RBM47: variants seen among roughly 807,000 people sequenced by gnomAD.
RBM47 encodes RNA-binding protein 47.
In RBM47, 21 loss-of-function variants were observed where a neutral mutation model predicts 47.1. The observed-to-expected ratio is 0.45, with a 90% confidence interval of 0.32 to 0.64. The LOEUF is 0.64. RBM47 is among the 30% of genes least tolerant of loss of function. The probability of loss-of-function intolerance (pLI) is 0.05; values close to 1 mark genes in which losing one functional copy is unlikely to be tolerated. For synonymous variants in RBM47, 375 were observed against 361.7 expected (o/e 1.04, Z -0.42); for missense variants, 708 against 870.9 (o/e 0.81, Z 2.35).
At chr4:40,545,885 G>A (rs1298604690) in intron 1 of RBM47, among the ~76,000 whole-genome samples, 1 of 151,960 alleles carries the variant, frequency 6.6e-6, no homozygotes, top group Non-Finnish European at 1.5e-5. Context: ...GGGCCTAATA[G>A]TACCCATTTG....
intron 2 of RBM47, among the ~76,000 whole-genome samples, chr4:40,468,794 T>C (rs1003250670): frequency 6.6e-6 from 1 of 152,140 alleles, no homozygotes; most frequent in Admixed American, 6.5e-5. Context: ...ATGATTTACG[T>C]TTTAATACAC....
chr4:40,424,364 C>T lies in RBM47; in HGVS notation c.*1540G>A, dbSNP rs930687894. 16 of 152,564 alleles carry T rather than the reference C, an allele frequency of 1.0e-4. No homozygotes were observed. The highest frequency in any genetic ancestry group is 2.2e-4 in the Non-Finnish European group (15 of 68,024). 9.5% of individuals were successfully genotyped at this position (152,564 alleles called of 1,614,324 possible). A position where few individuals can be genotyped will look rare whatever the true frequency, so the allele number is the denominator to read the frequency against. On this transcript the variant is annotated 3_prime_UTR_variant, in exon 7 of 7. Coordinates refer to ENST00000295971, the MANE Select transcript of RBM47 (RefSeq NM_001098634.2). ...TTTTTTTTAAAAAGTAGATGACAAT[C>T]TTAACATTTTACTGTATTTTACATT...
intron 2 of RBM47, 71 bp from the exon 3 acceptor site, chr4:40,466,770 T>C (rs1429856297): frequency 4.2e-5 from 2 of 47,362 alleles, no homozygotes; most frequent in Non-Finnish European, 7.0e-5. Context: ...GCATTAGAAA[T>C]TGGGGGGGGG....
At chr4:40,435,510 T>C (rs1344554547) in intron 5 of RBM47, among the ~76,000 whole-genome samples, 1 of 152,148 alleles carries the variant, frequency 6.6e-6, no homozygotes, top group African/African-American at 2.4e-5. Context: ...ATCATGCCAC[T>C]GCACTCCAGC....
intron 2 of RBM47, 77 bp from the exon 3 acceptor site, chr4:40,466,776 G>C (rs1044033902): frequency 2.7e-5 from 3 of 112,912 alleles, no homozygotes; most frequent in Admixed American, 2.2e-4. Flanking sequence ...GAAATTGGGG[G>C]GGGGGGGGCA....
intron 1 of RBM47, among the ~76,000 whole-genome samples, chr4:40,615,511 TGGCTC>T (rs1736643478): frequency 6.6e-6 from 1 of 152,162 alleles, no homozygotes. Flanking sequence ...CCAGATATGG[TGGCTC>T]ACACCTGTAA....
chr4:40,495,885 C>T (rs192726811), intron 2 of RBM47, among the ~76,000 whole-genome samples: 32 of 152,294 alleles, frequency 2.1e-4, no homozygotes, highest in Admixed American at 2.0e-3. Context: ...AATACCCTCA[C>T]GTTCGTGGAG....
chr4:40,481,483 AT>A (rs1412099677), intron 2 of RBM47, among the ~76,000 whole-genome samples: 1 of 106,376 alleles, frequency 9.4e-6, no homozygotes, highest in Non-Finnish European at 1.8e-5. Context: ...TATTATTATT[AT>A]TATTTTTATT....
intron 2 of RBM47, among the ~76,000 whole-genome samples, chr4:40,467,693 T>C (rs1248401191): frequency 1.3e-5 from 2 of 152,152 alleles, no homozygotes; most frequent in African/African-American, 4.8e-5. Context: ...ATAGGAAATA[T>C]TCACATGAAA....
At chr4:40,474,266 G>A (rs1370676924) in intron 2 of RBM47, among the ~76,000 whole-genome samples, 3 of 152,132 alleles carry the variant, frequency 2.0e-5, no homozygotes, top group African/African-American at 4.8e-5. Context: ...GCTTGGAACC[G>A]AGAAGCAGCA....
rs57378722 is a variant in RBM47, at chr4:40,492,408, C to T, written c.-154-25709G>A. 8.9e-3 allele frequency among the ~76,000 whole-genome samples: 1,361 copies of T among 152,140 alleles called. 25 individuals are homozygous for T. The highest frequency in any genetic ancestry group is 0.031 in the African/African-American group (1,271 of 41,502). On this transcript the variant is annotated intron_variant, in intron 2 of 6. Transcript: ENST00000295971. ...AAAAAAATAATGAAGTCACACTTTG[C>T]GAGAGTGGGAGAAGTATGGCAGATG...
intron 6 of RBM47, among the ~76,000 whole-genome samples, chr4:40,431,222 A>G (rs1371672194): frequency 6.6e-6 from 1 of 152,194 alleles, no homozygotes; most frequent in African/African-American, 2.4e-5. Context: ...TGTTAAATGG[A>G]TGTCCTCCCT....
chr4:40,556,532 C>T (rs1233522108), intron 1 of RBM47, among the ~76,000 whole-genome samples: 1 of 151,878 alleles, frequency 6.6e-6, no homozygotes, highest in Non-Finnish European at 1.5e-5. Flanking sequence ...GCAGTTTTTG[C>T]TATTACTTTT....
chr4:40,568,157 A>C (rs937834726), intron 1 of RBM47, among the ~76,000 whole-genome samples: 1 of 151,826 alleles, frequency 6.6e-6, no homozygotes, highest in Non-Finnish European at 1.5e-5. Flanking sequence ...ATGGTGGCTC[A>C]CATGCCACCT....
At chr4:40,617,057 G>A (rs1446821728) in intron 1 of RBM47, among the ~76,000 whole-genome samples, 1 of 151,478 alleles carries the variant, frequency 6.6e-6, no homozygotes, top group Non-Finnish European at 1.5e-5. Context: ...TGTATTTTTA[G>A]TAGAGACAGG....
At chr4:40,541,648 G>T (rs749054051) in intron 2 of RBM47, among the ~76,000 whole-genome samples, 3 of 152,022 alleles carry the variant, frequency 2.0e-5, no homozygotes, top group Non-Finnish European at 2.9e-5. Context: ...TGAGGCACGA[G>T]AATTGTTTGA....
chr4:40,574,492 T>A (rs1055885559), intron 1 of RBM47, among the ~76,000 whole-genome samples: 4 of 152,172 alleles, frequency 2.6e-5, no homozygotes, highest in African/African-American at 9.7e-5. Context: ...TGTTTTAGAA[T>A]CTCATAGGTA....
chr4:40,570,493 G>T (rs1025736624), intron 1 of RBM47, among the ~76,000 whole-genome samples: 1 of 151,918 alleles, frequency 6.6e-6, no homozygotes, highest in African/African-American at 2.4e-5. Context: ...CAGAACTCAG[G>T]CAGTAATGTA....
chr4:40,613,191 GA>G (rs774667325), intron 1 of RBM47, among the ~76,000 whole-genome samples: 141 of 152,234 alleles, frequency 9.3e-4, no homozygotes, highest in Non-Finnish European at 1.5e-3. Context: ...TGCTTTAAAT[GA>G]AGTCAAGATA....
Sources: allele counts gnomAD v4.1 joint callset (sites outside exome capture counted in the v4.1 genomes callset), GRCh38; gene constraint gnomAD v4.1.1; transcripts MANE v1.5; gene names NCBI Gene and HGNC (gene_info 2026-07-23, HGNC 2026-07-21).